HIVEP3: variants seen among roughly 807,000 people sequenced by gnomAD.
The protein encoded by HIVEP3 is HIVEP zinc finger 3.
Under a neutral mutation model 152.8 loss-of-function variants are expected in HIVEP3, and 49 were observed. That is an observed-to-expected ratio of 0.32 (90% CI 0.26 to 0.41). The LOEUF (loss-of-function observed/expected upper bound fraction) is 0.41. HIVEP3 is among the 10% of genes least tolerant of loss of function. The probability of loss-of-function intolerance (pLI) is 1.00; values close to 1 mark genes in which losing one functional copy is unlikely to be tolerated. For missense variants in HIVEP3, 2,790 were observed against 3,103.3 expected (o/e 0.90, Z 2.40); for synonymous variants, 1,269 against 1,289.0 (o/e 0.98, Z 0.33).
At chr1:41,898,848 G>A (rs1340739722) in intron 1 of HIVEP3, among the ~76,000 whole-genome samples, 3 of 152,362 alleles carry the variant, frequency 2.0e-5, no homozygotes, top group Admixed American at 1.3e-4. Flanking sequence ...TAAAATCTAA[G>A]AGCGCTGGTT....
chr1:41,510,836 T>A lies in HIVEP3; in HGVS notation c.6836A>T (p.Glu2279Val), dbSNP rs758492943. The change falls in exon 9 of 9, where the codon GAG becomes GTG. Residue 2279 changes from glutamate to valine, a missense_variant. Glu to Val is a moderately radical substitution (Grantham distance 121, BLOSUM62 -2). Transcript: ENST00000372583. ...CCTGCCCGGGCCTCCGCCGGTCCTC[T>A]CCCTCTCCTTGGGGTAGTCCCCGCC... ...LEGGDYPKER[E>V]RTGGGPGRPP... The A allele has an allele frequency of 1.9e-6, 3 of 1,612,944 alleles. No homozygotes were observed. Among genetic ancestry groups the A allele is most frequent in the Non-Finnish European group, 2.5e-6 (3 of 1,179,846 alleles).
intron 2 of HIVEP3, among the ~76,000 whole-genome samples, chr1:41,632,873 A>C (rs1171739038): frequency 6.6e-6 from 1 of 152,210 alleles, no homozygotes; most frequent in Non-Finnish European, 1.5e-5. Flanking sequence ...GGGCAGCGAC[A>C]GTGGGAGGTG....
At chr1:42,003,986 T>A (rs1360659207) in intron 1 of HIVEP3, among the ~76,000 whole-genome samples, 1 of 152,128 alleles carries the variant, frequency 6.6e-6, no homozygotes, top group East Asian at 1.9e-4. Flanking sequence ...AGGTACTAAA[T>A]CCGGGCAGAG....
intron 3 of HIVEP3, among the ~76,000 whole-genome samples, chr1:41,599,063 C>A (rs1438807389): frequency 6.6e-6 from 1 of 152,114 alleles, no homozygotes. Flanking sequence ...GTGATCCACC[C>A]ACCTTGGCCT....
chr1:41,994,048 C>T (rs1261403724), intron 1 of HIVEP3, among the ~76,000 whole-genome samples: 2 of 149,874 alleles, frequency 1.3e-5, no homozygotes, highest in Non-Finnish European at 3.0e-5. Flanking sequence ...ATACATAATG[C>T]TAGATGACGA....
rs1644400478 is a variant in HIVEP3 at position 41,581,205 on chromosome 1, A to C, written c.3593T>G (p.Leu1198Arg). 1 of 1,563,380 alleles carries C rather than the reference A, an allele frequency of 6.4e-7. No homozygotes were observed. Among genetic ancestry groups the C allele is most frequent in the African/African-American group, 1.4e-5 (1 of 73,598 alleles). The change falls in exon 4 of 9, where the codon CTG becomes CGG. Residue 1198 changes from leucine to arginine, a missense_variant. Transcript: ENST00000372583. This position sits in a 1 kb window ranked among gnomAD's most constrained non-coding sequence, Gnocchi z 4.5. ...GGGGAGATGGAGTTGGCCTGGGTGC[A>C]GAACAGTAGGCTGGAGAGGAAGCGG... ...APPLPLQPTV[L>R]HPGQLHLPQL... is the part of the protein sequence containing the mutation.
At chr1:41,889,473 C>T (rs1323440536) in intron 1 of HIVEP3, among the ~76,000 whole-genome samples, 2 of 152,120 alleles carry the variant, frequency 1.3e-5, no homozygotes, top group African/African-American at 4.8e-5. Flanking sequence ...AGGGCAGCAC[C>T]CCCTTCTCCT....
At chr1:41,672,981 A>T (rs192574525) in intron 2 of HIVEP3, among the ~76,000 whole-genome samples, 1 of 152,362 alleles carries the variant, frequency 6.6e-6, no homozygotes, top group East Asian at 1.9e-4. Flanking sequence ...TTAGAAGGAA[A>T]TGTACCGGGA....
At chr1:41,966,238 A>C (rs1006634568) in intron 1 of HIVEP3, among the ~76,000 whole-genome samples, 1 of 152,108 alleles carries the variant, frequency 6.6e-6, no homozygotes, top group African/African-American at 2.4e-5. Flanking sequence ...ACCACTAAAA[A>C]TGAAAAGGAA....
At chr1:41,797,181 C>A (rs1359944344) in intron 1 of HIVEP3, among the ~76,000 whole-genome samples, 2 of 152,228 alleles carry the variant, frequency 1.3e-5, no homozygotes, top group African/African-American at 4.8e-5. Flanking sequence ...CCAGGTCCCA[C>A]ACCTGGCTGA....
intron 2 of HIVEP3, among the ~76,000 whole-genome samples, chr1:41,692,044 A>G (rs1026697958): frequency 1.3e-5 from 2 of 152,150 alleles, no homozygotes; most frequent in African/African-American, 4.8e-5. Flanking sequence ...CGGTTTCACC[A>G]TGTTGGCCAG....
In HIVEP3 at chr1:41,985,922, T is replaced by C. The variant is rs79630961; in HGVS notation, n.119+49885A>G. On this transcript the variant is annotated intron_variant and non_coding_transcript_variant, in intron 1 of 3. Coordinates refer to the HIVEP3 transcript ENST00000489103. ...AAGGCTAAACATTAAGTCTCTTCTG[T>C]GAATATGAAAGTCAGTTTTAAAAAA... Among the ~76,000 whole-genome samples, 1,146 of 152,284 alleles carry C rather than the reference T, an allele frequency of 7.5e-3. 11 individuals are homozygous for C. Among genetic ancestry groups the C allele is most frequent in the African/African-American group, 0.027 (1,109 of 41,538 alleles).
rs1265226676 is a variant in HIVEP3, at chr1:41,991,357, A to C, written n.119+44450T>G. ...CAGAAATACAAACTACCATCAGAGAATACTACAAACACCTCTACGCAAATA... is the reference window on the plus strand; with the variant it reads ...CAGAAATACAAACTACCATCAGAGACTACTACAAACACCTCTACGCAAATA... On this transcript the variant is annotated intron_variant and non_coding_transcript_variant, in intron 1 of 3. Transcript: ENST00000489103. Among the ~76,000 whole-genome samples the C allele has an allele frequency of 2.6e-5, 4 of 151,488 alleles. No homozygotes were observed. The East Asian group carries it at 7.8e-4, about 29-fold the overall frequency.
chr1:41,970,520 A>C (rs1237756386), intron 1 of HIVEP3, among the ~76,000 whole-genome samples: 1 of 152,130 alleles, frequency 6.6e-6, no homozygotes, highest in African/African-American at 2.4e-5. Flanking sequence ...AACAACATAC[A>C]CTGGGGCCTG....
At chr1:41,535,215 A>G (rs1643368715) in intron 5 of HIVEP3, among the ~76,000 whole-genome samples, 2 of 152,128 alleles carry the variant, frequency 1.3e-5, no homozygotes, top group South Asian at 4.1e-4. Flanking sequence ...TCCCTCTCCC[A>G]GGGACCTGTT....
intron 1 of HIVEP3, among the ~76,000 whole-genome samples, chr1:41,959,427 A>G (rs1645157489): frequency 6.6e-6 from 1 of 152,202 alleles, no homozygotes; most frequent in Admixed American, 6.5e-5. Context: ...ACTTCAGACA[A>G]AGAAATCCAC....
At position 41,623,018 on chromosome 1, in the gene HIVEP3, G is replaced by A. The variant is rs151337162; in HGVS notation, c.-522+5731C>T. Among the ~76,000 whole-genome samples, 378 of 152,286 alleles carry A rather than the reference G, an allele frequency of 2.5e-3. 6 individuals are homozygous for A. The highest frequency in any genetic ancestry group is 8.3e-3 in the African/African-American group (346 of 41,568). On this transcript the variant is annotated intron_variant, in intron 3 of 8. Coordinates refer to ENST00000372583, the MANE Select transcript of HIVEP3 (RefSeq NM_024503.5). ...AGTGAAGTCATTTGCCCAAGGTCACGCAGCCAGTATGAGACAGAGCCCGGA... is the reference window on the plus strand; with the variant it reads ...AGTGAAGTCATTTGCCCAAGGTCACACAGCCAGTATGAGACAGAGCCCGGA...
intron 1 of HIVEP3, among the ~76,000 whole-genome samples, chr1:41,781,358 C>T (rs1369445627): frequency 6.6e-6 from 1 of 152,190 alleles, no homozygotes; most frequent in African/African-American, 2.4e-5. Flanking sequence ...ACCCTAAATG[C>T]CATTTCTTAA....
At chr1:41,600,848 AGTTTTACAGTCT>A (rs1314922835) in intron 3 of HIVEP3, among the ~76,000 whole-genome samples, 2 of 152,132 alleles carry the variant, frequency 1.3e-5, no homozygotes, top group African/African-American at 4.8e-5. Context: ...TTCTTCTAGG[AGTTTTACAGTCT>A]TAGGTTTTAC....
Sources: gnomAD v4.1 joint callset for allele counts (sites outside exome capture counted in the v4.1 genomes callset) on GRCh38, gnomAD v4.1.1 for gene constraint, Gnocchi (gnomAD v3.1) non-coding constraint, MANE v1.5 for transcripts, NCBI Gene and HGNC (gene_info 2026-07-23, HGNC 2026-07-21) for gene names.